The following STEAP3 variants were observed in gnomAD, a reference collection of about 807,000 sequenced individuals.
STEAP3 encodes STEAP3 metalloreductase, also known as metalloreductase STEAP3.
STEAP3 carries 35 observed loss-of-function variants against 34.9 expected under a neutral mutation model. That is an observed-to-expected ratio of 1.00 (90% CI 0.76 to 1.33). STEAP3 has a LOEUF of 1.33. Ranked by LOEUF, STEAP3 falls within the 40% of genes most tolerant of loss-of-function variation. STEAP3 has a pLI of 0.00. For synonymous variants in STEAP3, 281 were observed against 301.6 expected (o/e 0.93, Z 0.71); for missense variants, 652 against 667.6 (o/e 0.98, Z 0.26).
intron 1 of STEAP3, among the ~76,000 whole-genome samples, chr2:119,224,175 C>T (rs919067604): frequency 6.6e-6 from 1 of 152,178 alleles, no homozygotes; most frequent in African/African-American, 2.4e-5. Flanking sequence ...GCTCCGGAGC[C>T]CCGGGTGCAG....
At chr2:119,246,050 G>A (rs148202383) in intron 3 of STEAP3, 62 bp downstream of exon 3, 7 of 1,545,016 alleles carry the variant, frequency 4.5e-6, no homozygotes, top group African/African-American at 1.4e-5. Flanking sequence ...TTTTCATCGA[G>A]TGCTGCCAGC....
chr2:119,262,662 G>T (rs545502186), intron 5 of STEAP3, among the ~76,000 whole-genome samples: 1 of 152,194 alleles, frequency 6.6e-6, no homozygotes, highest in Non-Finnish European at 1.5e-5. Flanking sequence ...ACAGGCGAGA[G>T]CCACCGCAGC....
intron 1 of STEAP3, among the ~76,000 whole-genome samples, chr2:119,230,216 C>A (rs972032422): frequency 2.4e-4 from 37 of 152,216 alleles, no homozygotes; most frequent in Non-Finnish European, 4.4e-4. Flanking sequence ...GCTTCCAAAC[C>A]TCCAGCCTCC....
chr2:119,245,678 C>G lies in STEAP3; in HGVS notation c.212C>G (p.Pro71Arg), dbSNP rs771807781. Residue 71 changes from proline to arginine, a missense_variant, in exon 3 of 6, where the codon CCC becomes CGC. By Grantham distance (103) the Pro-to-Arg change is moderately radical (BLOSUM62 -2). Coordinates refer to ENST00000393110, the MANE Select transcript of STEAP3 (RefSeq NM_182915.3). ...GFKVVVGSRNPKRTARLFPSA... is the reference protein window; with the variant it reads ...GFKVVVGSRNRKRTARLFPSA... ...AAAGTGGTGGTGGGGAGCCGCAACCCCAAACGCACAGCCAGGCTGTTTCCC... is the reference window on the plus strand; with the variant it reads ...AAAGTGGTGGTGGGGAGCCGCAACCGCAAACGCACAGCCAGGCTGTTTCCC... 1.9e-6 allele frequency: 3 copies of G among 1,613,592 alleles called. No individual in the cohort carries two copies. The highest frequency in any genetic ancestry group is 1.7e-5 in the Admixed American group (1 of 60,028).
chr2:119,260,854 C>T (rs1677921653), intron 5 of STEAP3, among the ~76,000 whole-genome samples: 1 of 152,176 alleles, frequency 6.6e-6, no homozygotes, highest in Non-Finnish European at 1.5e-5. Flanking sequence ...CTTCCTCACT[C>T]TTCGTGGTGA....
At chr2:119,237,938 T>C (rs1045096050) in intron 2 of STEAP3, among the ~76,000 whole-genome samples, 2 of 152,242 alleles carry the variant, frequency 1.3e-5, no homozygotes, top group African/African-American at 4.8e-5. Context: ...ATGTCTGGCC[T>C]TTTGTAATTG....
At chr2:119,225,193 G>T (rs1352602194) in intron 1 of STEAP3, among the ~76,000 whole-genome samples, 2 of 152,236 alleles carry the variant, frequency 1.3e-5, no homozygotes, top group African/African-American at 4.8e-5. Flanking sequence ...AGGGGCACCT[G>T]GAGGACCCAG....
chr2:119,235,360 G>A (rs915520034), intron 2 of STEAP3, among the ~76,000 whole-genome samples: 1 of 152,226 alleles, frequency 6.6e-6, no homozygotes, highest in African/African-American at 2.4e-5. Flanking sequence ...CCCGTGAGCA[G>A]GGAGGACTTT....
At chr2:119,259,517 G>A (rs889825499) in intron 5 of STEAP3, among the ~76,000 whole-genome samples, 7 of 152,234 alleles carry the variant, frequency 4.6e-5, no homozygotes, top group African/African-American at 1.7e-4. Flanking sequence ...ACTTCCTGCT[G>A]TCTGCACCAT....
chr2:119,231,342 CGTGTGTGTGTGTGT>C lies in STEAP3; in HGVS notation c.22+337_22+350del, dbSNP rs6146901. Among the ~76,000 whole-genome samples, 1,098 of 143,588 alleles carry C rather than the reference CGTGTGTGTGTGTGT, an allele frequency of 7.6e-3. 12 individuals are homozygous for C. The highest frequency in any genetic ancestry group is 0.011 in the East Asian group (52 of 4,750). 94.2% of individuals were successfully genotyped at this position (143,588 alleles called of 152,430 possible). ...TTCAAGGATTTATCACACACAGTTG[CGTGTGTGTGTGTGT>C]GTGTGTGTGTGTGTGTGTGTGTGTG... On this transcript the variant is annotated intron_variant, in intron 2 of 5. Coordinates refer to ENST00000393110, the MANE Select transcript of STEAP3 (RefSeq NM_182915.3).
At chr2:119,253,120 G>A (rs1484915921) in intron 4 of STEAP3, among the ~76,000 whole-genome samples, 1 of 152,146 alleles carries the variant, frequency 6.6e-6, no homozygotes, top group Non-Finnish European at 1.5e-5. Context: ...TTCAACCACA[G>A]CAGGCACATA....
intron 2 of STEAP3, among the ~76,000 whole-genome samples, chr2:119,236,734 G>A (rs1162698704): frequency 6.6e-6 from 1 of 152,204 alleles, no homozygotes; most frequent in Non-Finnish European, 1.5e-5. Context: ...CCTCAGCCAT[G>A]TGGGTGAGCA....
chr2:119,247,959 C>T lies in STEAP3; in HGVS notation c.803C>T (p.Thr268Ile), dbSNP rs542940777. 1.9e-6 allele frequency: 3 copies of T among 1,613,432 alleles called. No individual in the cohort carries two copies. The highest frequency in any genetic ancestry group is 1.3e-5 in the African/African-American group (1 of 75,066). The change falls in exon 4 of 6, where the codon ACA becomes ATA. Residue 268 changes from threonine (T) to isoleucine (I), a missense_variant. Transcript: ENST00000393110. ...FKLPVSVVNT[T>I]LPCVAYVLLS... is the part of the protein sequence containing the mutation. ...CTGCCCGTGTCCGTGGTCAACACCA[C>T]ACTGCCGTGCGTGGCCTACGTGCTG...
At chr2:119,247,647 C>T (rs368167608) in intron 3 of STEAP3, 32 bp from the exon 4 acceptor site, 25 of 1,505,018 alleles carry the variant, frequency 1.7e-5, no homozygotes, top group African/African-American at 1.1e-4. Context: ...TGGCCTGTGA[C>T]GCCGTCTGAC....
rs1488206656 is a variant in STEAP3 at position 119,247,873 on chromosome 2, C to T, written c.717C>T (p.Tyr239=). The stretch of plus-strand genomic sequence containing the variant: ...GGCTCTTCGTCTGCTTCTATGCCTA[C>T]AACTTCGTCCGGGACGTTCTGCAGC... ...ALGLFVCFYA[Y]NFVRDVLQPY... Residue 239 remains tyrosine, a synonymous_variant, in exon 4 of 6, where the codon TAC becomes TAT. Transcript: ENST00000393110. 1.9e-6 allele frequency: 3 copies of T among 1,613,772 alleles called. No individual in the cohort carries two copies. Among genetic ancestry groups the T allele is most frequent in the Admixed American group, 3.3e-5 (2 of 60,014 alleles).
In STEAP3 at chr2:119,246,502, C is replaced by T. The variant is rs41527945; in HGVS notation, c.522+514C>T. On this transcript the variant is annotated intron_variant, in intron 3 of 5. Coordinates refer to ENST00000393110, the MANE Select transcript of STEAP3 (RefSeq NM_182915.3). ...TCCACGGAACAGCTAGAGCTGCATA[C>T]GTTTCTTGCCACGAGGAGCTCTTAC... 1,376 of 155,966 alleles carry T rather than the reference C, an allele frequency of 8.8e-3. 24 individuals carry two copies. Among genetic ancestry groups the T allele is most frequent in the African/African-American group, 0.031 (1,307 of 41,578 alleles). 9.7% of individuals were successfully genotyped at this position (155,966 alleles called of 1,614,324 possible).
Position 119,263,807 on chromosome 2 carries a change from G to A in STEAP3, c.*469G>A, listed in dbSNP as rs1375764192. On this transcript the variant is annotated 3_prime_UTR_variant, in exon 6 of 6. Coordinates refer to ENST00000393110, the MANE Select transcript of STEAP3 (RefSeq NM_182915.3). The stretch of plus-strand genomic sequence containing the variant: ...GCAGAGCTAGGGCTCTGAAGGGGAG[G>A]GAAGGCAACGGCTCTGCCCAGAGCC... 7.9e-5 allele frequency: 22 copies of A among 279,138 alleles called. No homozygotes were observed. Among genetic ancestry groups the A allele is most frequent in the Admixed American group, 2.5e-4 (5 of 19,876 alleles). The allele number at this position is 279,138 out of a possible 1,614,324, so 17.3% of individuals were successfully genotyped here. A position where few individuals can be genotyped will look rare whatever the true frequency, so the allele number is the denominator to read the frequency against.
chr2:119,227,691 G>T (rs1343932767), intron 1 of STEAP3, among the ~76,000 whole-genome samples: 1 of 152,130 alleles, frequency 6.6e-6, no homozygotes, highest in African/African-American at 2.4e-5. Flanking sequence ...ATTTGGGGTC[G>T]GTGAATGGGC....
rs558325300 is a variant in STEAP3 at position 119,265,547 on chromosome 2, G to A, written c.*2209G>A. ...CTGGAAATCCCAAATGCCACAGTCTGAGGTTGATATCTAAAATCTATGCCT... is the reference window on the plus strand; with the variant it reads ...CTGGAAATCCCAAATGCCACAGTCTAAGGTTGATATCTAAAATCTATGCCT... On this transcript the variant is annotated 3_prime_UTR_variant, in exon 6 of 6. Transcript: ENST00000393110. 1 of 152,168 alleles carries A rather than the reference G, an allele frequency of 6.6e-6. No homozygotes were observed. The highest frequency in any genetic ancestry group is 2.1e-4 in the South Asian group (1 of 4,814). The allele number at this position is 152,168 out of a possible 1,614,324, so 9.4% of individuals were successfully genotyped here.
Sources: allele counts gnomAD v4.1 joint callset (sites outside exome capture counted in the v4.1 genomes callset), GRCh38; gene constraint gnomAD v4.1.1; transcripts MANE v1.5; gene names NCBI Gene and HGNC (gene_info 2026-07-23, HGNC 2026-07-21).